SRGAP1: variants seen among roughly 807,000 people sequenced by gnomAD.
SRGAP1 encodes SLIT-ROBO Rho GTPase-activating protein 1.
In SRGAP1, 43 loss-of-function variants were observed where a neutral mutation model predicts 121.9. That is an observed-to-expected ratio of 0.35 (90% CI 0.28 to 0.46). SRGAP1 has a LOEUF of 0.46. Ranked by LOEUF, SRGAP1 falls within the 20% of genes least tolerant of loss-of-function variation. SRGAP1 has a pLI of 1.00. For synonymous variants in SRGAP1, 447 were observed against 485.4 expected, an observed-to-expected ratio of 0.92 and a Z score of 1.04; for missense variants, 1,102 against 1,350.9, an observed-to-expected ratio of 0.82 and a Z score of 2.89.
chr12:63,971,490 T>C (rs1400540661), intron 1 of SRGAP1, among the ~76,000 whole-genome samples: 1 of 152,230 alleles, frequency 6.6e-6, no homozygotes, highest in East Asian at 1.9e-4. Context: ...AATTCAGTTT[T>C]TTTTCAGATT....
chr12:63,998,572 C>T (rs1338334268), intron 3 of SRGAP1, among the ~76,000 whole-genome samples: 1 of 152,168 alleles, frequency 6.6e-6, no homozygotes, highest in Non-Finnish European at 1.5e-5. Context: ...CCGGAAGGTT[C>T]ACATGGCACA....
chr12:64,055,001 A>G (rs2035312792), intron 6 of SRGAP1, among the ~76,000 whole-genome samples: 1 of 150,590 alleles, frequency 6.6e-6, no homozygotes, highest in South Asian at 2.1e-4. Context: ...AGTTCTGGCC[A>G]GGGCAATTAG....
Position 64,144,836 on chromosome 12 carries a change from C to CTTTTTTTTTTTTTTTTTTTTTTT in SRGAP1, c.*2168_*2190dup, listed in dbSNP as rs58636089. ...TTAAACTTTCCAAAATAATCCCCCA[C>CTTTTTTTTTTTTTTTTTTTTTTT]TTTTTTTTTTTTTTTTTTTTTTTTT... On this transcript the variant is annotated 3_prime_UTR_variant, in exon 22 of 22. Transcript: ENST00000355086. The CTTTTTTTTTTTTTTTTTTTTTTT allele has an allele frequency of 2.5e-5, 2 of 79,462 alleles. No homozygotes were observed. The highest frequency in any genetic ancestry group is 4.5e-5 in the Non-Finnish European group (2 of 44,836). 4.9% of individuals were successfully genotyped at this position (79,462 alleles called of 1,614,324 possible).
chr12:64,047,232 A>T (rs1366748523), intron 6 of SRGAP1, among the ~76,000 whole-genome samples: 1 of 152,194 alleles, frequency 6.6e-6, no homozygotes, highest in African/African-American at 2.4e-5. Flanking sequence ...AGTGAAAGTA[A>T]TTTTTATGTT....
chr12:64,042,303 TG>T (rs2035041720), intron 4 of SRGAP1, among the ~76,000 whole-genome samples: 1 of 152,172 alleles, frequency 6.6e-6, no homozygotes, highest in South Asian at 2.1e-4. Context: ...AGAAAAACAA[TG>T]TTTTTTCAAC....
chr12:64,074,268 T>C (rs1244925088), intron 8 of SRGAP1, among the ~76,000 whole-genome samples: 1 of 152,258 alleles, frequency 6.6e-6, no homozygotes, highest in Non-Finnish European at 1.5e-5. Flanking sequence ...GCTTTCTGTC[T>C]CTTTCCCTTT....
chr12:63,879,735 G>T (rs1415319884), intron 1 of SRGAP1, among the ~76,000 whole-genome samples: 1 of 152,130 alleles, frequency 6.6e-6, no homozygotes, highest in Non-Finnish European at 1.5e-5. Flanking sequence ...AATAGACAAT[G>T]AATTTATCCC....
chr12:63,976,920 C>T (rs892938953), intron 1 of SRGAP1, among the ~76,000 whole-genome samples: 3 of 152,064 alleles, frequency 2.0e-5, no homozygotes, highest in East Asian at 3.9e-4. Context: ...AATTAAGTAG[C>T]GTACATCCTG....
chr12:64,086,737 A>C (rs2035948457), intron 10 of SRGAP1, among the ~76,000 whole-genome samples: 1 of 151,690 alleles, frequency 6.6e-6, no homozygotes, highest in Non-Finnish European at 1.5e-5. Flanking sequence ...AAAAAAAAAA[A>C]AAAAACACAG....
At chr12:64,130,456 A>T (rs1268866383) in intron 21 of SRGAP1, among the ~76,000 whole-genome samples, 2 of 152,112 alleles carry the variant, frequency 1.3e-5, no homozygotes, top group Non-Finnish European at 2.9e-5. Flanking sequence ...TGCCACTTCC[A>T]CTTCCACCTC....
intron 21 of SRGAP1, among the ~76,000 whole-genome samples, chr12:64,139,287 CAG>C (rs2036918981): frequency 6.6e-6 from 1 of 152,198 alleles, no homozygotes; most frequent in African/African-American, 2.4e-5. Flanking sequence ...AAAACTGTAT[CAG>C]GGGAAGACTT....
chr12:64,153,221 C>A lies in SRGAP1; in HGVS notation c.*10549C>A, dbSNP rs1277163277. The A allele has an allele frequency of 6.6e-6, 1 of 151,942 alleles. No individual in the cohort carries two copies. Among genetic ancestry groups the A allele is most frequent in the Non-Finnish European group, 1.5e-5 (1 of 68,018 alleles). 9.4% of individuals were successfully genotyped at this position (151,942 alleles called of 1,614,324 possible). A position where few individuals can be genotyped will look rare whatever the true frequency, so the allele number is the denominator to read the frequency against. ...ACGTGGTTAAAGAGTCAAACACATTCACTGTGACTGTACCACCATAAGCAA... is the reference window on the plus strand; with the variant it reads ...ACGTGGTTAAAGAGTCAAACACATTAACTGTGACTGTACCACCATAAGCAA... On this transcript the variant is annotated 3_prime_UTR_variant, in exon 22 of 22. Transcript: ENST00000355086.
rs186348214 is a variant in SRGAP1 at position 63,928,298 on chromosome 12, T to A, written c.68-55649T>A. ...TATGAAGTTAAATATATACCTACCC[T>A]ATGATCCAGAAATTCCACTCCTATG... On this transcript the variant is annotated intron_variant, in intron 1 of 21. Transcript: ENST00000355086. Among the ~76,000 whole-genome samples the A allele has an allele frequency of 1.1e-4, 16 of 152,310 alleles. No individual in the cohort carries two copies. In the East Asian group the frequency reaches 3.1e-3, roughly 29 times the overall value.
intron 21 of SRGAP1, among the ~76,000 whole-genome samples, chr12:64,141,924 G>A (rs764682691): frequency 1.2e-4 from 19 of 152,122 alleles, no homozygotes; most frequent in African/African-American, 3.6e-4. Context: ...CCAGGAGGTC[G>A]AGGCCGTAGT....
At chr12:64,101,308 GGTGTGTGTGT>G (rs59020353) in intron 15 of SRGAP1, among the ~76,000 whole-genome samples, 90 of 138,096 alleles carry the variant, frequency 6.5e-4, no homozygotes, top group African/African-American at 1.3e-3. Context: ...TGGGGAAAGG[GGTGTGTGTGT>G]GTGTGTGTGT....
intron 21 of SRGAP1, among the ~76,000 whole-genome samples, chr12:64,137,959 A>T (rs868820931): frequency 0.012 from 1,581 of 133,564 alleles, 18 homozygotes; most frequent in African/African-American, 0.04. Context: ...GCTTAAAAAA[A>T]AAATATATAT....
intron 1 of SRGAP1, among the ~76,000 whole-genome samples, chr12:63,947,392 A>T (rs1183105353): frequency 1.3e-5 from 2 of 152,060 alleles, no homozygotes; most frequent in African/African-American, 4.8e-5. Context: ...AGTTTACTAA[A>T]ATTTTTCTCT....
At chr12:63,911,028 G>C (rs570178093) in intron 1 of SRGAP1, among the ~76,000 whole-genome samples, 3 of 152,080 alleles carry the variant, frequency 2.0e-5, no homozygotes, top group Non-Finnish European at 4.4e-5. Flanking sequence ...GGCCAGGTGC[G>C]GTGGCTCATG....
intron 1 of SRGAP1, among the ~76,000 whole-genome samples, chr12:63,920,629 G>A (rs140510301): frequency 7.2e-5 from 11 of 152,330 alleles, no homozygotes; most frequent in African/African-American, 2.6e-4. Context: ...AGACCCTAGA[G>A]ATGAGTTGGA....
Sources: allele counts gnomAD v4.1 joint callset (sites outside exome capture counted in the v4.1 genomes callset), GRCh38; gene constraint gnomAD v4.1.1; transcripts MANE v1.5; gene names NCBI Gene and HGNC (gene_info 2026-07-23, HGNC 2026-07-21).